Variants in FBF1 observed in about 807,000 individuals in gnomAD.
FBF1 encodes fas-binding factor 1.
FBF1 carries 119 observed loss-of-function variants against 147.2 expected under a neutral mutation model. The ratio of observed to expected loss-of-function variants is 0.81; its 90% CI spans 0.70 to 0.94. The LOEUF (loss-of-function observed/expected upper bound fraction) is 0.94, where lower values mean the gene tolerates loss of function less well. FBF1 is among the 40% of genes least tolerant of loss of function. The pLI is 0.00. For synonymous variants in FBF1, 601 were observed against 609.0 expected (o/e 0.99, Z 0.19); for missense variants, 1,449 against 1,500.8 (o/e 0.97, Z 0.57).
chr17:75,921,981 G>A lies in FBF1; in HGVS notation c.1490C>T (p.Ala497Val). 1 of 1,551,626 alleles carries A rather than the reference G, an allele frequency of 6.4e-7. No individual in the cohort carries two copies. The highest frequency in any genetic ancestry group is 8.7e-7 in the Non-Finnish European group (1 of 1,146,994). Residue 497 changes from alanine to valine, a missense_variant, in exon 15 of 30, where the codon GCA (alanine) becomes GTA (valine). Physicochemically the swap from Ala to Val is moderately conservative, Grantham distance 64 (BLOSUM62 0). Transcript: ENST00000636174. ...AGGCCTGACACACGGTCTTTCTCGTGCAGTTGTTCCAGAACTCCCTCCAGC... is the reference window on the plus strand; with the variant it reads ...AGGCCTGACACACGGTCTTTCTCGTACAGTTGTTCCAGAACTCCCTCCAGC... ...AAAGGSSGTT[A>V]RERPCVRPGV...
intron 7 of FBF1, among the ~76,000 whole-genome samples, chr17:75,929,324 G>T (rs919198479): frequency 6.6e-6 from 1 of 151,872 alleles, no homozygotes; most frequent in African/African-American, 2.4e-5. Context: ...GAATGCGATG[G>T]TGTCTCTAAA....
intron 17 of FBF1, 55 bp from the exon 18 acceptor site, chr17:75,920,484 G>A: frequency 6.6e-7 from 1 of 1,517,352 alleles, no homozygotes; most frequent in African/African-American, 1.4e-5. Flanking sequence ...GGGCCCAGCT[G>A]AGATCAGCTA....
At chr17:75,936,430 T>A (rs2065625764) in intron 3 of FBF1, among the ~76,000 whole-genome samples, 1 of 152,112 alleles carries the variant, frequency 6.6e-6, no homozygotes, top group African/African-American at 2.4e-5. Context: ...AGGCAGAGGT[T>A]GCAGTGAGCC....
chr17:75,912,053 C>G, intron 29 of FBF1, 139 bp downstream of exon 29: 2 of 763,706 alleles, frequency 2.6e-6, no homozygotes, highest in Non-Finnish European at 4.4e-6. Flanking sequence ...TGAGCATTGG[C>G]TCACTAAGCA....
chr17:75,927,936 C>A (rs887289639), intron 8 of FBF1, 140 bp downstream of exon 8: 2 of 671,408 alleles, frequency 3.0e-6, no homozygotes, highest in Non-Finnish European at 5.1e-6. Flanking sequence ...CGCACAAATG[C>A]TCCTTGGCCT....
chr17:75,921,221 G>T lies in FBF1; in HGVS notation c.1674+23C>A. 6.4e-7 allele frequency: 1 copy of T among 1,570,574 alleles called. No individual in the cohort carries two copies. ...GAATTGCTCCCTAGGCCCTGAGCTA[G>T]ACCTGTCTGCCCACACCCCTACCTG... is the stretch of plus-strand genomic sequence containing the variant. On this transcript the variant is annotated intron_variant, in intron 17 of 29. Transcript: ENST00000636174.
At position 75,922,246 on chromosome 17, in the gene FBF1, C is replaced by T. The variant is rs2065532642; in HGVS notation, c.1425-200G>A. 1 of 558,062 alleles carries T rather than the reference C, an allele frequency of 1.8e-6. No homozygotes were observed. Among genetic ancestry groups the T allele is most frequent in the South Asian group, 2.0e-5 (1 of 50,522 alleles). The allele number at this position is 558,062 out of a possible 1,614,324, so 34.6% of individuals were successfully genotyped here. A position where few individuals can be genotyped will look rare whatever the true frequency, so the allele number is the denominator to read the frequency against. On this transcript the variant is annotated intron_variant, in intron 14 of 29. Transcript: ENST00000636174. The surrounding 1 kb of genome is among the most constrained non-coding windows in gnomAD (Gnocchi z 5.0). ...ATCTCTTCCCTTCCAGTACCCCCTT[C>T]CTGCCTCAATGTCCACAGTGGTGCA... is the stretch of plus-strand genomic sequence containing the variant.
In FBF1 at chr17:75,919,998, C is replaced by T. The variant is rs150661929; in HGVS notation, c.1931+9G>A. 54 of 1,608,492 alleles carry T rather than the reference C, an allele frequency of 3.4e-5. 1 individual carries two copies. The East Asian group carries it at 1.2e-3, about 35-fold the overall frequency. On this transcript the variant is annotated intron_variant, in intron 19 of 29. Transcript: ENST00000636174. This position sits in a 1 kb window ranked among gnomAD's most constrained non-coding sequence, Gnocchi z 5.0. The stretch of plus-strand genomic sequence containing the variant: ...ATCCAAGGCAGAGCTGGGGCCAGCG[C>T]CAGGGTACCTGTGTGCACTCTCGAT...
At position 75,919,529 on chromosome 17, in the gene FBF1, C is replaced by G. The variant is rs2065510172; in HGVS notation, c.2138+139G>C. The G allele has an allele frequency of 2.1e-6, 2 of 953,916 alleles. No homozygotes were observed. The highest frequency in any genetic ancestry group is 3.3e-5 in the African/African-American group (2 of 61,538). 59.1% of individuals were successfully genotyped at this position (953,916 alleles called of 1,614,324 possible). A position where few individuals can be genotyped will look rare whatever the true frequency, so the allele number is the denominator to read the frequency against. ...GGGTCAGTGTGCTCAGCCCTCAGTC[C>G]TCACTCACTGGACTGGGAGGGAAGG... is the stretch of plus-strand genomic sequence containing the variant. On this transcript the variant is annotated intron_variant, in intron 20 of 29. Coordinates refer to ENST00000636174, the MANE Select transcript of FBF1 (RefSeq NM_001319193.2). This position sits in a 1 kb window ranked among gnomAD's most constrained non-coding sequence, Gnocchi z 5.0.
chr17:75,931,032 T>C (rs1598160478), intron 6 of FBF1, among the ~76,000 whole-genome samples, 197 bp downstream of exon 6: 1 of 151,012 alleles, frequency 6.6e-6, no homozygotes, highest in Admixed American at 6.6e-5. Context: ...GAGGCAGAGG[T>C]TGCAGTGAGC....
Position 75,919,736 on chromosome 17 carries a change from G to A in FBF1, c.2070C>T (p.His690=), listed in dbSNP as rs2065511863. Residue 690 remains histidine, a synonymous_variant, in exon 20 of 30, where the codon CAC becomes CAT. Coordinates refer to ENST00000636174, the MANE Select transcript of FBF1 (RefSeq NM_001319193.2). This position sits in a 1 kb window ranked among gnomAD's most constrained non-coding sequence, Gnocchi z 5.0. ...EQARAELTAQ[H]QRRLAAIAQE... ...GCGCTATGGCCGCCAAGCGCCGCTG[G>A]TGCTGGGCCGTAAGCTCAGCACGGG... The A allele has an allele frequency of 5.0e-6, 8 of 1,613,332 alleles. No individual in the cohort carries two copies. The highest frequency in any genetic ancestry group is 1.7e-5 in the Admixed American group (1 of 60,010).
rs1386587140 is a variant in FBF1 at position 75,923,460 on chromosome 17, C to T, written c.1150G>A (p.Val384Met). 1 of 1,609,268 alleles carries T rather than the reference C, an allele frequency of 6.2e-7. No individual in the cohort carries two copies. Among genetic ancestry groups the T allele is most frequent in the South Asian group, 1.1e-5 (1 of 89,926 alleles). Reference protein sequence around the residue: ...PTREAHRESSVPVTPSVPPPA... With the variant: ...PTREAHRESSMPVTPSVPPPA... The stretch of plus-strand genomic sequence containing the variant: ...GGAGGCACTGAGGGCGTGACAGGCA[C>T]TGAACTTTCCCGATGGGCCTCTCTG... Residue 384 changes from valine (V) to methionine (M), a missense_variant, in exon 14 of 30, where the codon GTG becomes ATG. By Grantham distance (21) the Val-to-Met change is conservative (BLOSUM62 1). Transcript: ENST00000636174. The surrounding 1 kb of genome is among the most constrained non-coding windows in gnomAD (Gnocchi z 4.1).
chr17:75,913,603 G>T, intron 28 of FBF1, 99 bp downstream of exon 28: 1 of 860,924 alleles, frequency 1.2e-6, no homozygotes, highest in Non-Finnish European at 1.7e-6. Flanking sequence ...AAACCCAGCT[G>T]GCCGCCTTAA....
chr17:75,921,043 C>T (rs1033552863), intron 17 of FBF1, among the ~76,000 whole-genome samples: 9 of 152,204 alleles, frequency 5.9e-5, no homozygotes, highest in African/African-American at 1.9e-4. Context: ...CAAATTAACA[C>T]CCAGCTCTGC....
chr17:75,937,645 T>G, intron 2 of FBF1, 52 bp from the exon 3 acceptor site: 3 of 1,604,974 alleles, frequency 1.9e-6, no homozygotes, highest in Non-Finnish European at 2.6e-6. Flanking sequence ...TGAACACAGG[T>G]GGAAATTGGC....
chr17:75,921,484 G>C lies in FBF1; in HGVS notation c.1603C>G (p.Leu535Val), dbSNP rs985537758. The change falls in exon 16 of 30, where the codon CTC (leucine) becomes GTC (valine). Residue 535 changes from leucine to valine, a missense_variant. Leu to Val is a conservative substitution (Grantham distance 32). Transcript: ENST00000636174. Reference protein sequence around the residue: ...SPKRGTAPGDLSATEPATCFP... With the variant: ...SPKRGTAPGDVSATEPATCFP... ...ACAAAAAACAAACCAGTGGCTGAGA[G>C]GTCTCCAGGGGCTGTTCCCCTCTTT... 1 of 1,612,728 alleles carries C rather than the reference G, an allele frequency of 6.2e-7. No homozygotes were observed. Among genetic ancestry groups the C allele is most frequent in the Admixed American group, 1.7e-5 (1 of 59,800 alleles).
chr17:75,921,803 C>A, intron 15 of FBF1, 142 bp downstream of exon 15: 1 of 717,462 alleles, frequency 1.4e-6, no homozygotes, highest in Non-Finnish European at 2.2e-6. Flanking sequence ...GGCACAGGGA[C>A]GGAGCAGGGT....
chr17:75,939,365 G>C (rs913966208), intron 1 of FBF1, among the ~76,000 whole-genome samples: 1 of 145,818 alleles, frequency 6.9e-6, no homozygotes, highest in African/African-American at 2.5e-5. Context: ...GAGATTACTT[G>C]AAAAAAGGGC....
In FBF1 at chr17:75,923,857, G is replaced by A. The variant is rs117602839; in HGVS notation, c.969-216C>T. Among the ~76,000 whole-genome samples the A allele has an allele frequency of 1.6e-4, 24 of 152,252 alleles. No homozygotes were observed. In the East Asian group the frequency reaches 4.2e-3, roughly 27 times the overall value. On this transcript the variant is annotated intron_variant, in intron 13 of 29. Transcript: ENST00000636174. The surrounding 1 kb of genome is among the most constrained non-coding windows in gnomAD (Gnocchi z 4.1). The stretch of plus-strand genomic sequence containing the variant: ...CCTTGACTTCCATCACATGAACCAG[G>A]GACAGTTCTACCCACAGAGAACAGG...
Sources: allele counts gnomAD v4.1 joint callset (sites outside exome capture counted in the v4.1 genomes callset), GRCh38; gene constraint gnomAD v4.1.1; non-coding constraint Gnocchi (gnomAD v3.1); transcripts MANE v1.5; gene names NCBI Gene and HGNC (gene_info 2026-07-23, HGNC 2026-07-21).